The following WBP2NL variants were observed in gnomAD, a reference collection of about 807,000 sequenced individuals.
The protein encoded by WBP2NL is WBP2 N-terminal like.
In WBP2NL, 27 loss-of-function variants were observed where a neutral mutation model predicts 23.3. That is an observed-to-expected ratio of 1.16 (90% CI 0.85 to 1.60). The LOEUF (loss-of-function observed/expected upper bound fraction) is 1.60, where lower values mean the gene tolerates loss of function less well. Ranked by LOEUF, WBP2NL falls within the 40% of genes most tolerant of loss-of-function variation. The probability of loss-of-function intolerance (pLI) is 0.00; values close to 1 mark genes in which losing one functional copy is unlikely to be tolerated. For synonymous variants in WBP2NL, 151 were observed against 145.9 expected, an observed-to-expected ratio of 1.03 and a Z score of -0.25; for missense variants, 370 against 389.5, an observed-to-expected ratio of 0.95 and a Z score of 0.42.
intron 8 of WBP2NL, among the ~76,000 whole-genome samples, chr22:42,045,446 AAAAC>A (rs1306293797): frequency 3.3e-5 from 5 of 152,188 alleles, no homozygotes; most frequent in East Asian, 3.8e-4. Flanking sequence ...AACAAAAAAC[AAAAC>A]AAACAAACAA....
intron 1 of WBP2NL, among the ~76,000 whole-genome samples, chr22:42,007,802 T>C (rs1922393521): frequency 6.6e-6 from 1 of 152,028 alleles, no homozygotes; most frequent in Non-Finnish European, 1.5e-5. Context: ...ATTCATGCAC[T>C]GATGGACATT....
At chr22:42,057,903 T>A (rs796308187) in intron 8 of WBP2NL, among the ~76,000 whole-genome samples, 84 of 20,340 alleles carry the variant, frequency 4.1e-3, no homozygotes, top group African/African-American at 7.3e-3. Flanking sequence ...ATATATATAT[T>A]TTTTTTTTTT....
chr22:42,021,220 G>A (rs1350069374), intron 4 of WBP2NL, among the ~76,000 whole-genome samples: 2 of 151,754 alleles, frequency 1.3e-5, no homozygotes, highest in Non-Finnish European at 1.5e-5. Flanking sequence ...ACGCCTGGCC[G>A]GTCCTTGCGA....
At chr22:42,038,981 C>T (rs1925293541) in intron 8 of WBP2NL, among the ~76,000 whole-genome samples, 2 of 151,948 alleles carry the variant, frequency 1.3e-5, no homozygotes, top group Non-Finnish European at 2.9e-5. Context: ...TCATTGCTCA[C>T]TGCAGCCTCA....
chr22:42,014,168 G>A (rs1297489704), intron 1 of WBP2NL, among the ~76,000 whole-genome samples: 2 of 152,070 alleles, frequency 1.3e-5, no homozygotes, highest in Non-Finnish European at 2.9e-5. Flanking sequence ...CAGTCCTCCC[G>A]CCTCAGCCTC....
At chr22:42,042,077 C>A (rs369173983) in intron 8 of WBP2NL, among the ~76,000 whole-genome samples, 17 of 152,138 alleles carry the variant, frequency 1.1e-4, no homozygotes, top group African/African-American at 4.1e-4. Flanking sequence ...TGACAAGTTG[C>A]TTTTTTCTTG....
chr22:42,006,763 C>T (rs961381605), intron 1 of WBP2NL, among the ~76,000 whole-genome samples: 1 of 152,084 alleles, frequency 6.6e-6, no homozygotes, highest in Non-Finnish European at 1.5e-5. Context: ...TTCGGAGTTC[C>T]CATTATATTT....
chr22:42,052,186 T>C (rs1925860215), intron 8 of WBP2NL, among the ~76,000 whole-genome samples: 1 of 152,214 alleles, frequency 6.6e-6, no homozygotes, highest in South Asian at 2.1e-4. Context: ...AAGGTCTGTC[T>C]TTGTAGGCCT....
chr22:42,053,923 C>T (rs1477220732), intron 8 of WBP2NL, among the ~76,000 whole-genome samples: 4 of 152,070 alleles, frequency 2.6e-5, no homozygotes, highest in African/African-American at 9.7e-5. Context: ...ACAAATGCTG[C>T]ATCCCATCCT....
At chr22:42,054,437 TG>T (rs1925957095) in intron 8 of WBP2NL, among the ~76,000 whole-genome samples, 1 of 151,834 alleles carries the variant, frequency 6.6e-6, no homozygotes, top group South Asian at 2.1e-4. Context: ...GTGATCCACC[TG>T]CCTTGGCCTC....
At chr22:42,052,965 A>ATT (rs1336741913) in intron 8 of WBP2NL, among the ~76,000 whole-genome samples, 2 of 152,256 alleles carry the variant, frequency 1.3e-5, no homozygotes, top group Non-Finnish European at 2.9e-5. Context: ...ACCTAAAAAG[A>ATT]AACCCCATAA....
At chr22:42,034,879 C>T (rs1925123585), downstream of WBP2NL, among the ~76,000 whole-genome samples, 1 of 152,246 alleles carries the variant, frequency 6.6e-6, no homozygotes, top group Non-Finnish European at 1.5e-5. Context: ...AAGGTTATCT[C>T]TCTTATTCCC....
intron 8 of WBP2NL, among the ~76,000 whole-genome samples, chr22:42,057,902 T>TATATATATATATATATA (rs1328982365): frequency 1.2e-4 from 2 of 16,966 alleles, no homozygotes; most frequent in African/African-American, 2.4e-4. Flanking sequence ...TATATATATA[T>TATATATATATATATATA]TTTTTTTTTT....
At chr22:42,045,055 T>C (rs1925532665) in intron 8 of WBP2NL, among the ~76,000 whole-genome samples, 1 of 152,136 alleles carries the variant, frequency 6.6e-6, no homozygotes, top group Non-Finnish European at 1.5e-5. Flanking sequence ...GGTCTTGAAC[T>C]CCTGGCCTTA....
chr22:42,057,889 A>ATTT (rs1926120548), intron 8 of WBP2NL, among the ~76,000 whole-genome samples: 1 of 20,346 alleles, frequency 4.9e-5, no homozygotes, highest in African/African-American at 2.0e-4. Context: ...ATATATATAT[A>ATTT]TATATATATA....
intron 8 of WBP2NL, among the ~76,000 whole-genome samples, chr22:42,045,685 T>C (rs1925561823): frequency 6.6e-6 from 1 of 152,210 alleles, no homozygotes; most frequent in East Asian, 1.9e-4. Context: ...TCAATAGCCC[T>C]ATATGTATTT....
chr22:42,016,744 T>C (rs2146780852), intron 1 of WBP2NL, among the ~76,000 whole-genome samples: 1 of 152,306 alleles, frequency 6.6e-6, no homozygotes, highest in Middle Eastern at 3.4e-3. Context: ...TTAAAAATCC[T>C]CCCCTTTTAA....
intron 5 of WBP2NL, among the ~76,000 whole-genome samples, chr22:42,025,840 G>T (rs1352922448): frequency 6.6e-6 from 1 of 152,068 alleles, no homozygotes; most frequent in Admixed American, 6.6e-5. Context: ...TTTATTGTAA[G>T]GTTAATTGGA....
chr22:42,047,426 C>G (rs541548587), intron 8 of WBP2NL, among the ~76,000 whole-genome samples: 3 of 151,646 alleles, frequency 2.0e-5, no homozygotes, highest in African/African-American at 4.8e-5. Context: ...CCTGTCTCTA[C>G]TAAAAGTACA....
Sources: gnomAD v4.1 joint callset for allele counts (sites outside exome capture counted in the v4.1 genomes callset) on GRCh38, gnomAD v4.1.1 for gene constraint, MANE v1.5 for transcripts, NCBI Gene and HGNC (gene_info 2026-07-23, HGNC 2026-07-21) for gene names.